The following CHUK variants were observed in gnomAD, a reference collection of about 807,000 sequenced individuals.
The protein encoded by CHUK is component of inhibitor of nuclear factor kappa B kinase complex.
Under a neutral mutation model 104.8 loss-of-function variants are expected in CHUK, and 35 were observed. The observed-to-expected ratio is 0.33, with a 90% confidence interval of 0.26 to 0.44. The LOEUF (loss-of-function observed/expected upper bound fraction) is 0.44, where lower values mean the gene tolerates loss of function less well. Among genes scored for constraint, CHUK ranks in the 20% least tolerant of loss-of-function variants. The pLI, the probability that CHUK is intolerant of heterozygous loss-of-function variation, is 1.00. For missense variants in CHUK, 663 were observed against 902.7 expected, an observed-to-expected ratio of 0.73 and a Z score of 3.40; for synonymous variants, 276 against 291.9, an observed-to-expected ratio of 0.95 and a Z score of 0.56.
intron 1 of CHUK, among the ~76,000 whole-genome samples, chr10:100,228,154 T>C (rs569388203): frequency 6.6e-6 from 1 of 152,202 alleles, no homozygotes; most frequent in East Asian, 1.9e-4. Context: ...CTCAAATCCA[T>C]GATGCATGTA....
At chr10:100,191,800 T>C (rs891280802) in intron 19 of CHUK, among the ~76,000 whole-genome samples, 1 of 152,226 alleles carries the variant, frequency 6.6e-6, no homozygotes, top group African/African-American at 2.4e-5. Flanking sequence ...CACAGGTACA[T>C]TATAATTGAA....
intron 9 of CHUK, among the ~76,000 whole-genome samples, chr10:100,212,395 G>A (rs761658418): frequency 4.6e-5 from 7 of 152,160 alleles, no homozygotes; most frequent in Non-Finnish European, 8.8e-5. Flanking sequence ...GCTAAGAGTT[G>A]TTGAGCACCT....
Position 100,219,312 on chromosome 10 carries a change from T to C in CHUK, c.522A>G (p.Gln174=). 6.2e-7 allele frequency: 1 copy of C among 1,603,906 alleles called. No homozygotes were observed. Among genetic ancestry groups the C allele is most frequent in the Non-Finnish European group, 8.5e-7 (1 of 1,170,684 alleles). ...IDLGYAKDVD[Q]GSLCTSFVGT... ...CCACAAAAGATGTACACAGACTTCC[T>C]TGATCAACATCTTTGGCATATCCCA... is the stretch of plus-strand genomic sequence containing the variant. Residue 174 remains glutamine (Q), a synonymous_variant, in exon 6 of 21, where the codon CAA becomes CAG. Transcript: ENST00000370397.
At position 100,229,550 on chromosome 10, in the gene CHUK, G is replaced by T. The variant is rs757757880; in HGVS notation, c.-18C>A. ...CGCTCCATGGGGCGGGAGGGCAAGC[G>T]GCCTCAGGTTCCACAGTTGTTCCAA... On this transcript the variant is annotated 5_prime_UTR_variant, in exon 1 of 21. Transcript: ENST00000370397. 4 of 1,493,564 alleles carry T rather than the reference G, an allele frequency of 2.7e-6. No homozygotes were observed. The highest frequency in any genetic ancestry group is 2.5e-5 in the East Asian group (1 of 40,660). 92.5% of individuals were successfully genotyped at this position (1,493,564 alleles called of 1,614,324 possible).
intron 9 of CHUK, among the ~76,000 whole-genome samples, chr10:100,210,873 A>G (rs747531178): frequency 6.6e-6 from 1 of 152,100 alleles, no homozygotes; most frequent in Non-Finnish European, 1.5e-5. Flanking sequence ...CTCTGTCCCC[A>G]CCTGTCAGCG....
At chr10:100,224,369 T>C (rs897351882) in intron 2 of CHUK, among the ~76,000 whole-genome samples, 4 of 152,160 alleles carry the variant, frequency 2.6e-5, no homozygotes, top group African/African-American at 7.2e-5. Flanking sequence ...ACTCCCAAAT[T>C]CCTAAGTCAC....
At chr10:100,195,491 C>G (rs12248110) in intron 16 of CHUK, 1 of 152,192 alleles carries the variant, frequency 6.6e-6, no homozygotes, top group Non-Finnish European at 1.5e-5. Flanking sequence ...GTTGTCTCCT[C>G]CTCACCAACA....
chr10:100,223,417 T>C (rs1009076746), intron 2 of CHUK, among the ~76,000 whole-genome samples: 7 of 151,784 alleles, frequency 4.6e-5, no homozygotes, highest in Admixed American at 3.3e-4. Flanking sequence ...GGTGGGAGGA[T>C]TGCTTGAGGC....
At chr10:100,229,205 T>C (rs1471802948) in intron 1 of CHUK, among the ~76,000 whole-genome samples, 1 of 151,858 alleles carries the variant, frequency 6.6e-6, no homozygotes, top group Non-Finnish European at 1.5e-5. Context: ...CATACCCAAG[T>C]TCCCCGCAAC....
rs76447325 is a variant in CHUK, at chr10:100,197,711, G to A, written c.1729+2260C>T. 1.3e-3 allele frequency among the ~76,000 whole-genome samples: 195 copies of A among 152,024 alleles called. No individual in the cohort carries two copies. The East Asian group carries it at 0.014, about 11-fold the overall frequency. On this transcript the variant is annotated intron_variant, in intron 16 of 20. Coordinates refer to ENST00000370397, the MANE Select transcript of CHUK (RefSeq NM_001278.5). ...GACATGCTAAGTGCTATACATACATGTGTCTACACAGTATACTCATATCTA... is the reference window on the plus strand; with the variant it reads ...GACATGCTAAGTGCTATACATACATATGTCTACACAGTATACTCATATCTA...
intron 11 of CHUK, among the ~76,000 whole-genome samples, chr10:100,205,953 A>G (rs545370807): frequency 3.9e-5 from 6 of 152,246 alleles, no homozygotes; most frequent in South Asian, 4.1e-4. Context: ...AACAAAAACA[A>G]AAAGACAAAT....
chr10:100,220,539 G>A (rs774263291), intron 5 of CHUK, 49 bp downstream of exon 5: 1 of 1,252,254 alleles, frequency 8.0e-7, no homozygotes, highest in Non-Finnish European at 1.2e-6. Context: ...AACTATATCA[G>A]AGAGACTATA....
chr10:100,191,988 C>T (rs1434140767), intron 19 of CHUK, among the ~76,000 whole-genome samples: 4 of 152,076 alleles, frequency 2.6e-5, no homozygotes, highest in African/African-American at 9.7e-5. Context: ...TATGGTGGCA[C>T]GCACCTGAAA....
At chr10:100,208,087 T>A (rs1845631924) in intron 10 of CHUK, among the ~76,000 whole-genome samples, 1 of 152,066 alleles carries the variant, frequency 6.6e-6, no homozygotes, top group African/African-American at 2.4e-5. Flanking sequence ...AGTTTCAGAG[T>A]ACTGGGCTTC....
intron 1 of CHUK, 59 bp from the exon 2 acceptor site, chr10:100,226,076 C>G: frequency 2.0e-6 from 2 of 996,376 alleles, no homozygotes; most frequent in Non-Finnish European, 3.2e-6. Context: ...GATTTATTTG[C>G]TACCAAAGAA....
intron 16 of CHUK, among the ~76,000 whole-genome samples, chr10:100,197,217 T>C (rs1421360794): frequency 2.0e-5 from 3 of 152,190 alleles, no homozygotes; most frequent in African/African-American, 7.2e-5. Context: ...CATGTAAACA[T>C]AGAAAATACA....
In CHUK at chr10:100,200,710, C is replaced by T. The variant is rs1362681169; in HGVS notation, c.1640G>A (p.Ser547Asn). 1 of 1,604,596 alleles carries T rather than the reference C, an allele frequency of 6.2e-7. No homozygotes were observed. The highest frequency in any genetic ancestry group is 8.5e-7 in the Non-Finnish European group (1 of 1,171,838). Residue 547 changes from serine to asparagine, a missense_variant, in exon 15 of 21, where the codon AGC (serine) becomes AAC (asparagine). Ser to Asn is a conservative substitution (Grantham distance 46, BLOSUM62 1). Transcript: ENST00000370397. ...GTCTCCCTGACGTCTTCCATAGGGG[C>T]TCTTCTGTAGCTCCATGATTTCAGC... ...LHAEIMELQK[S>N]PYGRRQGDLM...
intron 9 of CHUK, among the ~76,000 whole-genome samples, chr10:100,210,288 C>T (rs1845700337): frequency 6.6e-6 from 1 of 151,290 alleles, no homozygotes; most frequent in Non-Finnish European, 1.5e-5. Context: ...GGGGTTTCAC[C>T]GTTTTAGCCG....
At chr10:100,201,017 C>G (rs1393932331) in intron 14 of CHUK, among the ~76,000 whole-genome samples, 1 of 152,144 alleles carries the variant, frequency 6.6e-6, no homozygotes, top group Admixed American at 6.5e-5. Flanking sequence ...CAACAGTAAA[C>G]TACTAGTATT....
Sources: allele counts gnomAD v4.1 joint callset (sites outside exome capture counted in the v4.1 genomes callset), GRCh38; gene constraint gnomAD v4.1.1; transcripts MANE v1.5; gene names NCBI Gene and HGNC (gene_info 2026-07-23, HGNC 2026-07-21).